Variants in GRAMD1C observed in about 807,000 individuals in gnomAD.
The protein encoded by GRAMD1C is protein Aster-C.
GRAMD1C carries 89 observed loss-of-function variants against 97.8 expected under a neutral mutation model. That is an observed-to-expected ratio of 0.91 (90% CI 0.77 to 1.09). The LOEUF is 1.09. Ranked by LOEUF, GRAMD1C falls within the 50% of genes least tolerant of loss-of-function variation. The pLI is 0.00. For synonymous variants in GRAMD1C, 256 were observed against 267.0 expected (o/e 0.96, Z 0.40); for missense variants, 740 against 766.4 (o/e 0.97, Z 0.41).
Position 113,909,120 on chromosome 3 carries a change from G to T in GRAMD1C, c.952G>T (p.Glu318Ter). The change falls in exon 9 of 18, where the codon GAA becomes TAA. Residue 318 changes from glutamate to a stop codon, truncating the protein, a stop_gained and splice_region_variant. Transcript: ENST00000358160. LOFTEE classifies it high-confidence loss of function. ...CAGCACTTCAGATTCTGTTGATGAA[G>T]GTAAATAATTTCTTATAAATTTTAT... ...KSSTSDSVDE[E>*]NVPEKDLHGR... is the part of the protein sequence containing the mutation. 7.0e-7 allele frequency: 1 copy of T among 1,430,874 alleles called. No individual in the cohort carries two copies. The highest frequency in any genetic ancestry group is 9.4e-7 in the Non-Finnish European group (1 of 1,062,652). The allele number at this position is 1,430,874 out of a possible 1,614,324, so 88.6% of individuals were successfully genotyped here. A position where few individuals can be genotyped will look rare whatever the true frequency, so the allele number is the denominator to read the frequency against.
At chr3:113,934,655 G>A (rs1194055490) in intron 13 of GRAMD1C, 120 bp downstream of exon 13, 6 of 578,888 alleles carry the variant, frequency 1.0e-5, no homozygotes, top group Admixed American at 6.8e-5. Flanking sequence ...AGACTCCCAT[G>A]AAAGTGGTTC....
chr3:113,904,682 A>G (rs1297604230), intron 8 of GRAMD1C, among the ~76,000 whole-genome samples: 2 of 151,644 alleles, frequency 1.3e-5, no homozygotes, highest in African/African-American at 2.4e-5. Flanking sequence ...GAAGGGAGAG[A>G]TGAGCCCCTG....
intron 8 of GRAMD1C, among the ~76,000 whole-genome samples, chr3:113,907,743 A>G (rs147643816): frequency 2.0e-5 from 3 of 152,354 alleles, no homozygotes; most frequent in Non-Finnish European, 4.4e-5. Flanking sequence ...CCATCCAGAT[A>G]CCAACCACTG....
At chr3:113,870,798 A>C (rs1351418593) in intron 3 of GRAMD1C, among the ~76,000 whole-genome samples, 6 of 151,648 alleles carry the variant, frequency 4.0e-5, no homozygotes. Flanking sequence ...TTCAGGGAGG[A>C]GTGATTTTTG....
rs1399083549 is a variant in GRAMD1C, at chr3:113,919,888, C to T, written c.1090+4050C>T. ...AGATCACAGGAATTGGACCCAGTAC[C>T]ACAGCAGAAACAGAAACATCACCAA... is the stretch of plus-strand genomic sequence containing the variant. On this transcript the variant is annotated intron_variant, in intron 10 of 17. Coordinates refer to ENST00000358160, the MANE Select transcript of GRAMD1C (RefSeq NM_017577.5). 39 of 652,650 alleles carry T rather than the reference C, an allele frequency of 6.0e-5. No individual in the cohort carries two copies. In the Admixed American group the frequency reaches 6.9e-4, roughly 12 times the overall value. The allele number at this position is 652,650 out of a possible 1,614,324, so 40.4% of individuals were successfully genotyped here.
At chr3:113,865,441 G>T (rs1338295447) in intron 2 of GRAMD1C, among the ~76,000 whole-genome samples, 1 of 152,096 alleles carries the variant, frequency 6.6e-6, no homozygotes, top group African/African-American at 2.4e-5. Flanking sequence ...GACCATTTTT[G>T]ATTAGAAGCC....
At chr3:113,864,847 A>G (rs770918748) in intron 2 of GRAMD1C, among the ~76,000 whole-genome samples, 4 of 152,180 alleles carry the variant, frequency 2.6e-5, no homozygotes, top group East Asian at 3.9e-4. Context: ...TGCTCCTCCA[A>G]ATTCTTCCAG....
At chr3:113,939,639 G>C in intron 15 of GRAMD1C, 1 of 339,260 alleles carries the variant, frequency 2.9e-6, no homozygotes, top group Non-Finnish European at 5.4e-6. Flanking sequence ...CCCCAAACCT[G>C]TGAGTTCGGA....
At chr3:113,910,537 A>G (rs1020638471) in intron 9 of GRAMD1C, among the ~76,000 whole-genome samples, 1 of 152,198 alleles carries the variant, frequency 6.6e-6, no homozygotes, top group African/African-American at 2.4e-5. Flanking sequence ...TTGTATTGTA[A>G]TCCATTTTGT....
Position 113,934,521 on chromosome 3 carries a change from A to G in GRAMD1C, c.1442A>G (p.Tyr481Cys), listed in dbSNP as rs1937540540. 1 of 1,506,820 alleles carries G rather than the reference A, an allele frequency of 6.6e-7. No individual in the cohort carries two copies. Among genetic ancestry groups the G allele is most frequent in the Non-Finnish European group, 9.1e-7 (1 of 1,097,066 alleles). 93.3% of individuals were successfully genotyped at this position (1,506,820 alleles called of 1,614,324 possible). A position where few individuals can be genotyped will look rare whatever the true frequency, so the allele number is the denominator to read the frequency against. The change falls in exon 13 of 18, where the codon TAT becomes TGT. Residue 481 changes from tyrosine (Y) to cysteine (C), a missense_variant. By Grantham distance (194) the Tyr-to-Cys change is radical (BLOSUM62 -2). Transcript: ENST00000358160. ...AATTCCTGGAGTTCTTTGGAGGACT[A>G]TTTCAAACAGCTTGGTTTGTAAATT... ...EKNSWSSLED[Y>C]FKQLESDLLI...
At chr3:113,926,183 A>T (rs542437252) in intron 10 of GRAMD1C, among the ~76,000 whole-genome samples, 1 of 152,284 alleles carries the variant, frequency 6.6e-6, no homozygotes, top group Admixed American at 6.5e-5. Flanking sequence ...TCTTTCAGGG[A>T]TGCCAGTGAG....
chr3:113,942,886 G>T (rs946833011), intron 17 of GRAMD1C, among the ~76,000 whole-genome samples: 1 of 152,116 alleles, frequency 6.6e-6, no homozygotes, highest in African/African-American at 2.4e-5. Context: ...GCCTTTTGAG[G>T]ATTCTTTAGG....
At chr3:113,847,164 A>T (rs1933647429) in intron 2 of GRAMD1C, among the ~76,000 whole-genome samples, 1 of 152,244 alleles carries the variant, frequency 6.6e-6, no homozygotes, top group African/African-American at 2.4e-5. Context: ...ATGATAGCAG[A>T]AACTCAAAAA....
chr3:113,921,732 A>T (rs1937063562), intron 10 of GRAMD1C, among the ~76,000 whole-genome samples: 2 of 152,116 alleles, frequency 1.3e-5, no homozygotes, highest in Non-Finnish European at 2.9e-5. Context: ...ATTTTTTCAT[A>T]TGCTTGCTGG....
chr3:113,852,258 G>A (rs1340298765), intron 2 of GRAMD1C, among the ~76,000 whole-genome samples: 1 of 152,018 alleles, frequency 6.6e-6, no homozygotes, highest in African/African-American at 2.4e-5. Flanking sequence ...CTGTAATCAT[G>A]TTGTCCTCCA....
intron 1 of GRAMD1C, among the ~76,000 whole-genome samples, chr3:113,844,198 G>GT (rs1357876648): frequency 2.0e-5 from 3 of 152,192 alleles, no homozygotes; most frequent in Non-Finnish European, 4.4e-5. Flanking sequence ...GGAGGCTGAG[G>GT]TAGGAGGATT....
At chr3:113,859,318 C>T (rs1934277141) in intron 2 of GRAMD1C, among the ~76,000 whole-genome samples, 1 of 152,110 alleles carries the variant, frequency 6.6e-6, no homozygotes, top group Admixed American at 6.6e-5. Context: ...TCCCTTGAGA[C>T]TTTCCCTTTG....
intron 1 of GRAMD1C, among the ~76,000 whole-genome samples, chr3:113,843,049 G>GTTTTTTTTTTTTTTT (rs71144092): frequency 4.5e-3 from 239 of 53,436 alleles, no homozygotes; most frequent in East Asian, 7.4e-3. Flanking sequence ...ACCATAAGCT[G>GTTTTTTTTTTTTTTT]TTTTTTTTTT....
chr3:113,917,856 C>CTTTTTTTTTT (rs71144097), intron 10 of GRAMD1C, among the ~76,000 whole-genome samples: 1 of 41,868 alleles, frequency 2.4e-5, no homozygotes, highest in Non-Finnish European at 4.1e-5. Flanking sequence ...CCATGCTTGG[C>CTTTTTTTTTT]TTTTTTTTTT....
Sources: allele counts gnomAD v4.1 joint callset (sites outside exome capture counted in the v4.1 genomes callset), GRCh38; gene constraint gnomAD v4.1.1; transcripts MANE v1.5; gene names NCBI Gene and HGNC (gene_info 2026-07-23, HGNC 2026-07-21).